Variants in PVT1 observed in about 807,000 individuals in gnomAD.
PVT1 encodes CXCR4/PVT1 fusion.
rs1554602258 is a variant in PVT1 at position 127,985,039 on chromosome 8, C to CTTCCTTCCTTCCTTTCT, written n.783-4120_783-4119insCTTCCTTCCTTTCTTTC. On this transcript the variant is annotated intron_variant and non_coding_transcript_variant, in intron 3 of 10. Transcript: ENST00000651587. ...CTTCCTTCCTTCCTTCCTTCCTTTC[C>CTTCCTTCCTTCCTTTCT]TTCTTTTTTTTTTTGACAGATTCTC... 3.3e-4 allele frequency among the ~76,000 whole-genome samples: 34 copies of CTTCCTTCCTTCCTTTCT among 104,606 alleles called. 4 individuals carry two copies. Among genetic ancestry groups the CTTCCTTCCTTCCTTTCT allele is most frequent in the African/African-American group, 8.6e-4 (22 of 25,444 alleles). The allele number at this position is 104,606 out of a possible 152,430, so 68.6% of individuals were successfully genotyped here.
chr8:127,813,954 T>C (rs780826522), intron 2 of PVT1, among the ~76,000 whole-genome samples: 3 of 152,194 alleles, frequency 2.0e-5, no homozygotes, highest in Non-Finnish European at 2.9e-5. Context: ...GGCTAATTTT[T>C]GTATTTTTAA....
At chr8:127,987,615 G>A (rs1586469169) in intron 3 of PVT1, among the ~76,000 whole-genome samples, 2 of 152,144 alleles carry the variant, frequency 1.3e-5, no homozygotes, top group East Asian at 1.9e-4. Context: ...TTAACACCAG[G>A]AACAAGCCTC....
chr8:127,848,052 A>G lies in PVT1; in HGVS notation n.373-42537A>G, dbSNP rs939601863. The stretch of plus-strand genomic sequence containing the variant: ...ATCATTTGAATTTTGAAGCATGAAT[A>G]TATTGAAATCGGGAGCAGCTCAAAC... On this transcript the variant is annotated intron_variant and non_coding_transcript_variant, in intron 2 of 10. Transcript: ENST00000651587. Among the ~76,000 whole-genome samples the G allele has an allele frequency of 2.6e-5, 4 of 152,178 alleles. No homozygotes were observed. In the East Asian group the frequency reaches 7.7e-4, roughly 29 times the overall value.
Position 127,968,006 on chromosome 8 carries a change from G to A in PVT1, n.783-21156G>A, listed in dbSNP as rs553105517. Among the ~76,000 whole-genome samples the A allele has an allele frequency of 3.9e-5, 6 of 152,284 alleles. No individual in the cohort carries two copies. In the South Asian group the frequency reaches 1.0e-3, roughly 26 times the overall value. On this transcript the variant is annotated intron_variant and non_coding_transcript_variant, in intron 3 of 10. Coordinates refer to ENST00000651587, the Ensembl canonical transcript of PVT1. ...GACTTTGGAGCACTCATTCCTATTC[G>A]GTGCTGACCTTTGTTCACATTTGTG...
intron 3 of PVT1, among the ~76,000 whole-genome samples, chr8:127,975,475 A>G (rs920586534): frequency 1.1e-4 from 17 of 152,184 alleles, no homozygotes; most frequent in African/African-American, 4.1e-4. Flanking sequence ...CCTCCAGCCA[A>G]GTTCGTTACT....
intron 3 of PVT1, among the ~76,000 whole-genome samples, chr8:127,899,246 C>G (rs909816037): frequency 1.3e-5 from 2 of 152,218 alleles, no homozygotes; most frequent in Non-Finnish European, 2.9e-5. Context: ...AGGGAGGACA[C>G]TTGGCCTCTC....
intron 2 of PVT1, among the ~76,000 whole-genome samples, chr8:127,828,396 G>A (rs1298558424): frequency 6.6e-6 from 1 of 152,178 alleles, no homozygotes; most frequent in East Asian, 1.9e-4. Flanking sequence ...AGCATCTTCT[G>A]CCCTAAATCA....
chr8:128,000,984 G>A (rs16902526), intron 4 of PVT1, among the ~76,000 whole-genome samples: 20,855 of 152,168 alleles, frequency 0.14, 1,663 homozygotes, highest in Non-Finnish European at 0.18. Context: ...AATTCTACCC[G>A]TTAAAACATT....
intron 3 of PVT1, among the ~76,000 whole-genome samples, chr8:127,981,761 C>A (rs1189001919): frequency 6.6e-6 from 1 of 152,154 alleles, no homozygotes; most frequent in Non-Finnish European, 1.5e-5. Context: ...CTTCCCACAC[C>A]CCCACTGCAT....
intron 4 of PVT1, among the ~76,000 whole-genome samples, chr8:128,001,744 A>G (rs1817179691): frequency 6.6e-6 from 1 of 152,196 alleles, no homozygotes; most frequent in African/African-American, 2.4e-5. Flanking sequence ...CTCAAAGCTA[A>G]AAGTCCAAGA....
In PVT1 at chr8:127,935,600, G is replaced by A. The variant is rs552678752; in HGVS notation, n.782+44602G>A. Among the ~76,000 whole-genome samples the A allele has an allele frequency of 7.2e-5, 11 of 152,212 alleles. No individual in the cohort carries two copies. The South Asian group carries it at 2.3e-3, about 32-fold the overall frequency. On this transcript the variant is annotated intron_variant and non_coding_transcript_variant, in intron 3 of 10. Transcript: ENST00000651587. ...AATCACATATGTATTCAGGGGTCTG[G>A]TCCAAAGCCTAGAAGAAGGTGAGCC...
At chr8:128,005,555 G>A (rs1257704507) in intron 4 of PVT1, among the ~76,000 whole-genome samples, 2 of 152,114 alleles carry the variant, frequency 1.3e-5, no homozygotes, top group African/African-American at 2.4e-5. Flanking sequence ...TGACTGCAGT[G>A]TGTCCTGGAG....
chr8:127,933,041 G>A (rs926233896), intron 3 of PVT1, among the ~76,000 whole-genome samples: 1 of 152,146 alleles, frequency 6.6e-6, no homozygotes, highest in Non-Finnish European at 1.5e-5. Flanking sequence ...CCCTTTTATA[G>A]ATGGGAATTA....
intron 4 of PVT1, among the ~76,000 whole-genome samples, chr8:128,016,098 C>A (rs1429998419): frequency 6.6e-6 from 1 of 151,908 alleles, no homozygotes; most frequent in Admixed American, 6.6e-5. Context: ...GGCAACATAG[C>A]GAAACCCTGT....
chr8:127,844,085 C>T (rs1815003740), intron 2 of PVT1, among the ~76,000 whole-genome samples: 1 of 151,854 alleles, frequency 6.6e-6, no homozygotes, highest in Admixed American at 6.6e-5. Context: ...CGGGTTCATG[C>T]CGTTCTCCTG....
intron 4 of PVT1, among the ~76,000 whole-genome samples, chr8:128,004,003 G>C (rs1429572000): frequency 6.6e-6 from 1 of 152,144 alleles, no homozygotes; most frequent in Non-Finnish European, 1.5e-5. Context: ...GTCCTTACAT[G>C]GTTGTAGGAG....
At chr8:127,902,761 T>A (rs187779158) in intron 3 of PVT1, among the ~76,000 whole-genome samples, 1 of 152,312 alleles carries the variant, frequency 6.6e-6, no homozygotes, top group African/African-American at 2.4e-5. Context: ...GCAGAGAGCG[T>A]GATTCCATTC....
chr8:128,016,041 G>A (rs924480017), intron 4 of PVT1, among the ~76,000 whole-genome samples: 4 of 152,178 alleles, frequency 2.6e-5, no homozygotes, highest in African/African-American at 9.7e-5. Flanking sequence ...TCTTTGGGAA[G>A]CCAAGGTGGG....
intron 2 of PVT1, among the ~76,000 whole-genome samples, chr8:127,849,675 G>T (rs890671080): frequency 2.9e-4 from 42 of 147,020 alleles, no homozygotes; most frequent in Non-Finnish European, 5.1e-4. Context: ...CACGTGCATG[G>T]GTGCACAGCC....
Sources: gnomAD v4.1 joint callset for allele counts (sites outside exome capture counted in the v4.1 genomes callset) on GRCh38, gnomAD v4.1.1 for gene constraint, MANE v1.5 for transcripts, NCBI Gene and HGNC (gene_info 2026-07-23, HGNC 2026-07-21) for gene names.